SDC4: variants seen among roughly 807,000 people sequenced by gnomAD.
SDC4 encodes the protein syndecan-4.
In SDC4, 17 loss-of-function variants were observed where a neutral mutation model predicts 20.5. The observed-to-expected ratio is 0.83, with a 90% CI of 0.57 to 1.25. The LOEUF (loss-of-function observed/expected upper bound fraction) is 1.25, where lower values mean the gene tolerates loss of function less well. SDC4 is among the 50% of genes most tolerant of loss of function. The probability of loss-of-function intolerance (pLI) is 0.00; values close to 1 mark genes in which losing one functional copy is unlikely to be tolerated. For missense variants in SDC4, 241 were observed against 252.3 expected (o/e 0.96, Z 0.30); for synonymous variants, 107 against 105.3 (o/e 1.02, Z -0.10).
intron 2 of SDC4, among the ~76,000 whole-genome samples, chr20:45,334,059 A>G (rs756978567): frequency 1.2e-4 from 18 of 151,202 alleles, no homozygotes; most frequent in Non-Finnish European, 1.8e-4. Context: ...CCGTGGTGCC[A>G]TCTCGGCTCA....
intron 1 of SDC4, among the ~76,000 whole-genome samples, chr20:45,339,369 G>A (rs746908062): frequency 2.0e-5 from 3 of 152,240 alleles, no homozygotes; most frequent in South Asian, 2.1e-4. Flanking sequence ...ATGTGTGTTC[G>A]TGTGTATACA....
Position 45,342,427 on chromosome 20 carries a change from G to A in SDC4, c.60+5898C>T, listed in dbSNP as rs191548345. Among the ~76,000 whole-genome samples the A allele has an allele frequency of 5.3e-4, 81 of 152,290 alleles. No individual in the cohort carries two copies. In the South Asian group the frequency reaches 6.2e-3, roughly 12 times the overall value. On this transcript the variant is annotated intron_variant, in intron 1 of 4. Transcript: ENST00000372733. The stretch of plus-strand genomic sequence containing the variant: ...GGCTAGAGTGACACCGCCAGTCCCC[G>A]CAGGCCTGGCCACTGACTGCTGGGC...
In SDC4 at chr20:45,326,598, AC is replaced by A. The variant is rs1204215555; in HGVS notation, c.*665del. Reference sequence around the variant, plus strand: ...CACAAAGGAATGAACAGTTAAAAAAACGAACAAACACTAAAAATAGATTTAC... The same window carrying A: ...CACAAAGGAATGAACAGTTAAAAAAAGAACAAACACTAAAAATAGATTTAC... On this transcript the variant is annotated 3_prime_UTR_variant, in exon 5 of 5. Transcript: ENST00000372733. 3 of 152,574 alleles carry A rather than the reference AC, an allele frequency of 2.0e-5. No homozygotes were observed. Among genetic ancestry groups the A allele is most frequent in the South Asian group, 4.1e-4 (2 of 4,832 alleles). 9.5% of individuals were successfully genotyped at this position (152,574 alleles called of 1,614,324 possible).
chr20:45,335,170 A>C (rs768253608), intron 2 of SDC4, among the ~76,000 whole-genome samples: 10 of 147,058 alleles, frequency 6.8e-5, no homozygotes, highest in Non-Finnish European at 1.0e-4. Context: ...CCCACTTCTA[A>C]GCTGCTACTT....
chr20:45,343,845 C>A (rs1987991395), intron 1 of SDC4, among the ~76,000 whole-genome samples: 2 of 152,206 alleles, frequency 1.3e-5, no homozygotes, highest in South Asian at 4.1e-4. Context: ...TTATTTACAG[C>A]CCTGTCGTCT....
At chr20:45,347,401 GC>G (rs1038903431) in intron 1 of SDC4, among the ~76,000 whole-genome samples, 5 of 151,904 alleles carry the variant, frequency 3.3e-5, no homozygotes, top group African/African-American at 7.3e-5. Context: ...AGATGAGATT[GC>G]CCCCCTCCTC....
At chr20:45,329,928 C>A (rs1345338178) in intron 4 of SDC4, among the ~76,000 whole-genome samples, 1 of 152,174 alleles carries the variant, frequency 6.6e-6, no homozygotes, top group Non-Finnish European at 1.5e-5. Context: ...TGAGGCTCAT[C>A]AAGTTCGAAA....
rs1987853814 is a variant in SDC4, at chr20:45,335,790, C to T, written c.191G>A (p.Gly64Glu). 1 of 1,613,822 alleles carries T rather than the reference C, an allele frequency of 6.2e-7. No homozygotes were observed. The highest frequency in any genetic ancestry group is 2.2e-5 in the East Asian group (1 of 44,870). ...ESDDFELSGS[G>E]DLDDLEDSMI... ...CAGCACACCTTCCGTACCCAGATCT[C>T]CAGAGCCAGACAGCTCAAAGTCATC... The change falls in exon 2 of 5, where the codon GGA becomes GAA. Residue 64 changes from glycine (G) to glutamate (E), a missense_variant. Transcript: ENST00000372733.
intron 4 of SDC4, 115 bp from the exon 5 acceptor site, chr20:45,327,530 C>T (rs1163159401): frequency 1.7e-6 from 2 of 1,207,172 alleles, no homozygotes; most frequent in Non-Finnish European, 2.3e-6. Context: ...TCACCATCAC[C>T]ACTGCCTGTG....
chr20:45,342,194 T>C (rs1276044423), intron 1 of SDC4, among the ~76,000 whole-genome samples: 2 of 152,208 alleles, frequency 1.3e-5, no homozygotes, highest in African/African-American at 4.8e-5. Context: ...GAGCCCACGC[T>C]GCAGCCTTAT....
At chr20:45,335,675 A>C in intron 2 of SDC4, 107 bp downstream of exon 2, 1 of 1,213,718 alleles carries the variant, frequency 8.2e-7, no homozygotes, top group Non-Finnish European at 1.2e-6. Flanking sequence ...CACTCTAGGA[A>C]AAGTCCCACA....
chr20:45,333,841 C>G (rs1987818713), intron 2 of SDC4, among the ~76,000 whole-genome samples: 1 of 151,822 alleles, frequency 6.6e-6, no homozygotes, highest in Non-Finnish European at 1.5e-5. Context: ...TAGTCTCTTA[C>G]TGTTGAATGT....
chr20:45,347,739 A>G (rs1047712827), intron 1 of SDC4, among the ~76,000 whole-genome samples: 5 of 151,856 alleles, frequency 3.3e-5, no homozygotes, highest in Admixed American at 3.3e-4. Flanking sequence ...ATTCCCTCAG[A>G]CCCTTGGTGC....
intron 1 of SDC4, among the ~76,000 whole-genome samples, chr20:45,337,052 C>T (rs1987881556): frequency 6.6e-6 from 1 of 152,106 alleles, no homozygotes; most frequent in Non-Finnish European, 1.5e-5. Flanking sequence ...CCCACCAAAC[C>T]GCTTGCCAAA....
intron 1 of SDC4, among the ~76,000 whole-genome samples, chr20:45,344,298 A>AG (rs3216490): frequency 0.53 from 80,639 of 151,878 alleles, 22,238 homozygotes; most frequent in East Asian, 0.91. Context: ...TGTCCCCTCG[A>AG]GCCCCGGACA....
intron 3 of SDC4, among the ~76,000 whole-genome samples, chr20:45,332,160 CTT>C (rs60632364): frequency 0.51 from 71,067 of 139,792 alleles, 17,568 homozygotes; most frequent in Admixed American, 0.57. Context: ...TATATATATA[CTT>C]TTTTTTTTTT....
At chr20:45,336,048 C>T in intron 1 of SDC4, 128 bp from the exon 2 acceptor site, 2 of 928,640 alleles carry the variant, frequency 2.2e-6, no homozygotes, top group East Asian at 5.0e-5. Context: ...AGACCTGCGT[C>T]CTGGATCCCA....
intron 2 of SDC4, among the ~76,000 whole-genome samples, chr20:45,334,287 G>A (rs1240421425): frequency 2.0e-5 from 3 of 152,002 alleles, no homozygotes; most frequent in African/African-American, 4.8e-5. Flanking sequence ...GTAAGCCACC[G>A]CGCCCGGCCA....
At chr20:45,328,367 TTAAA>T (rs570492583) in intron 4 of SDC4, among the ~76,000 whole-genome samples, 219 of 152,326 alleles carry the variant, frequency 1.4e-3, no homozygotes, top group African/African-American at 5.0e-3. Flanking sequence ...GTCCTAAGGA[TTAAA>T]TAAATTAATC....
Sources: allele counts gnomAD v4.1 joint callset (sites outside exome capture counted in the v4.1 genomes callset), GRCh38; gene constraint gnomAD v4.1.1; transcripts MANE v1.5; gene names NCBI Gene and HGNC (gene_info 2026-07-23, HGNC 2026-07-21).